LRRC63: variants seen among roughly 807,000 people sequenced by gnomAD.
LRRC63 encodes leucine rich repeat containing 63.
In LRRC63, 40 loss-of-function variants were observed where a neutral mutation model predicts 49.5. That is an observed-to-expected ratio of 0.81 (90% confidence interval 0.63 to 1.05). LRRC63 has a LOEUF of 1.05. LRRC63 is among the 50% of genes least tolerant of loss of function. The probability of loss-of-function intolerance (pLI) is 0.00; values close to 1 mark genes in which losing one functional copy is unlikely to be tolerated. For synonymous variants in LRRC63, 191 were observed against 221.1 expected (o/e 0.86, Z 1.21); for missense variants, 636 against 663.1 (o/e 0.96, Z 0.45).
intron 9 of LRRC63, chr13:46,270,201 C>G (rs1381840254): frequency 3.7e-6 from 3 of 814,906 alleles, no homozygotes; most frequent in Non-Finnish European, 6.6e-6. Flanking sequence ...CCACAGCACT[C>G]TAACCGAATA....
At chr13:46,234,940 T>C (rs939298832) in intron 5 of LRRC63, among the ~76,000 whole-genome samples, 8 of 152,168 alleles carry the variant, frequency 5.3e-5, no homozygotes, top group Non-Finnish European at 1.2e-4. Context: ...TTGAAATAAG[T>C]TCTAACTCAT....
intron 7 of LRRC63, among the ~76,000 whole-genome samples, chr13:46,258,625 T>C (rs915868157): frequency 1.6e-3 from 236 of 150,032 alleles, no homozygotes; most frequent in African/African-American, 4.7e-3. Flanking sequence ...CTGGCCAACA[T>C]GGTGAAACCC....
At chr13:46,234,250 T>C in exon 5 of LRRC63, 5 of 1,550,330 alleles carry the variant, frequency 3.2e-6, no homozygotes, top group Non-Finnish European at 4.4e-6. Flanking sequence ...GTGAAGGTTT[T>C]AAGACTGTTG....
exon 6 of LRRC63, chr13:46,246,547 T>C: frequency 1.4e-6 from 2 of 1,460,334 alleles, no homozygotes; most frequent in Non-Finnish European, 1.8e-6. Context: ...TCCTAAATTG[T>C]CCAGACTTAA....
chr13:46,221,402 G>A (rs2046403786), intron 2 of LRRC63, among the ~76,000 whole-genome samples: 1 of 152,080 alleles, frequency 6.6e-6, no homozygotes, highest in South Asian at 2.1e-4. Flanking sequence ...CACACAAAAA[G>A]GTGAGGTAAA....
chr13:46,220,960 C>G (rs1188388548), intron 2 of LRRC63, among the ~76,000 whole-genome samples: 3 of 152,188 alleles, frequency 2.0e-5, no homozygotes, highest in Non-Finnish European at 4.4e-5. Flanking sequence ...CATCGCTTCT[C>G]TACCCAATCA....
At chr13:46,232,932 A>G (rs1224652042) in intron 4 of LRRC63, among the ~76,000 whole-genome samples, 3 of 152,194 alleles carry the variant, frequency 2.0e-5, no homozygotes, top group Non-Finnish European at 1.5e-5. Context: ...TGAGTCAAAT[A>G]AAATTCTAGA....
At position 46,258,977 on chromosome 13, in the gene LRRC63, A is replaced by G. The variant is rs2047571006; in HGVS notation, c.1227-2932A>G. Among the ~76,000 whole-genome samples the G allele has an allele frequency of 2.0e-5, 3 of 152,176 alleles. No individual in the cohort carries two copies. The South Asian group carries it at 6.2e-4, about 32-fold the overall frequency. ...TCAATATAGGGCAAATTAGAAGTTA[A>G]TAAAGAAAAAAGTTCTATTTGAGTA... On this transcript the variant is annotated intron_variant, in intron 7 of 9. Coordinates refer to ENST00000595396, the Ensembl canonical transcript of LRRC63.
At chr13:46,246,674 T>A in intron 6 of LRRC63, 49 bp downstream of exon 6, 1 of 824,704 alleles carries the variant, frequency 1.2e-6, no homozygotes, top group Non-Finnish European at 1.7e-6. Context: ...TCGTGAATAA[T>A]AATTATAATA....
At chr13:46,267,984 TG>T (rs2047705298) in intron 9 of LRRC63, among the ~76,000 whole-genome samples, 1 of 152,190 alleles carries the variant, frequency 6.6e-6, no homozygotes, top group Admixed American at 6.5e-5. Flanking sequence ...GAAACATCCT[TG>T]ATTTAGACTG....
intron 2 of LRRC63, among the ~76,000 whole-genome samples, chr13:46,213,793 C>A (rs914513874): frequency 1.3e-5 from 2 of 151,920 alleles, no homozygotes; most frequent in Non-Finnish European, 2.9e-5. Flanking sequence ...ATGTTGAAAC[C>A]AGAGGTTTGC....
chr13:46,256,032 C>T (rs1418638677), intron 7 of LRRC63, among the ~76,000 whole-genome samples: 1 of 152,192 alleles, frequency 6.6e-6, no homozygotes, highest in African/African-American at 2.4e-5. Flanking sequence ...TTGTATATAT[C>T]AGTATTCCAT....
chr13:46,228,199 A>G lies in LRRC63; in HGVS notation c.763+10A>G, dbSNP rs2046634663. On this transcript the variant is annotated intron_variant, in intron 3 of 9. Coordinates refer to ENST00000595396, the Ensembl canonical transcript of LRRC63. ...AGGCAGTCTGTGATAGGTAAATACA[A>G]TCTGAACACGGTATAATTATAGAGT... is the stretch of plus-strand genomic sequence containing the variant. 2 of 1,522,432 alleles carry G rather than the reference A, an allele frequency of 1.3e-6. No individual in the cohort carries two copies. Among genetic ancestry groups the G allele is most frequent in the Admixed American group, 2.0e-5 (1 of 49,158 alleles). 94.3% of individuals were successfully genotyped at this position (1,522,432 alleles called of 1,614,324 possible). A position where few individuals can be genotyped will look rare whatever the true frequency, so the allele number is the denominator to read the frequency against.
chr13:46,234,274 T>C, exon 5 of LRRC63: 1 of 1,550,278 alleles, frequency 6.5e-7, no homozygotes, highest in Non-Finnish European at 8.7e-7. Context: ...CAACACGATA[T>C]GAAACAATAA....
chr13:46,246,145 C>A (rs892023935), intron 5 of LRRC63, among the ~76,000 whole-genome samples: 5 of 152,150 alleles, frequency 3.3e-5, no homozygotes, highest in African/African-American at 7.2e-5. Context: ...ACCGCTTCCC[C>A]CTTCACCTGC....
At chr13:46,275,580 A>AT (rs1186966295) in intron 9 of LRRC63, among the ~76,000 whole-genome samples, 1 of 151,426 alleles carries the variant, frequency 6.6e-6, no homozygotes, top group African/African-American at 2.4e-5. Context: ...GATGTTGAGC[A>AT]TTTTTTCATA....
chr13:46,265,379 A>G (rs554416889), intron 8 of LRRC63, among the ~76,000 whole-genome samples: 1 of 152,290 alleles, frequency 6.6e-6, no homozygotes, highest in East Asian at 1.9e-4. Flanking sequence ...AGCTTGGGCT[A>G]CTATAACAAA....
intron 4 of LRRC63, among the ~76,000 whole-genome samples, chr13:46,232,468 G>T (rs978383099): frequency 2.0e-5 from 3 of 152,190 alleles, no homozygotes; most frequent in African/African-American, 7.2e-5. Context: ...CTGCCAAAGT[G>T]TTGGGGCCTT....
intron 7 of LRRC63, among the ~76,000 whole-genome samples, chr13:46,255,962 C>T (rs1486558013): frequency 6.6e-6 from 1 of 152,076 alleles, no homozygotes; most frequent in African/African-American, 2.4e-5. Flanking sequence ...ATTGATACAA[C>T]AAATGATTTT....
Sources: gnomAD v4.1 joint callset for allele counts (sites outside exome capture counted in the v4.1 genomes callset) on GRCh38, gnomAD v4.1.1 for gene constraint, MANE v1.5 for transcripts, NCBI Gene and HGNC (gene_info 2026-07-23, HGNC 2026-07-21) for gene names.